The following PSD3 variants were observed in gnomAD, a reference collection of about 807,000 sequenced individuals.
PSD3 encodes PH and SEC7 domain-containing protein 3.
A neutral mutation model predicts 105.5 loss-of-function variants in PSD3; 49 were observed. That is an observed-to-expected ratio of 0.46 (90% confidence interval 0.37 to 0.59). The LOEUF (loss-of-function observed/expected upper bound fraction) is 0.59. PSD3 is among the 20% of genes least tolerant of loss of function. The probability of loss-of-function intolerance (pLI) is 0.00; values close to 1 mark genes in which losing one functional copy is unlikely to be tolerated. For missense variants in PSD3, 1,561 were observed against 1,263.8 expected (o/e 1.24, Z -3.57); for synonymous variants, 557 against 457.8 (o/e 1.22, Z -2.77).
chr8:19,042,664 C>T (rs534541592), intron 1 of PSD3, among the ~76,000 whole-genome samples: 3 of 152,304 alleles, frequency 2.0e-5, no homozygotes, highest in African/African-American at 7.2e-5. Context: ...TGAAATACAA[C>T]TGAATTCAAA....
intron 9 of PSD3, among the ~76,000 whole-genome samples, chr8:18,721,766 T>C (rs1199376900): frequency 1.3e-5 from 2 of 152,172 alleles, no homozygotes; most frequent in African/African-American, 4.8e-5. Context: ...TAAAGACTGA[T>C]CACACTTCTT....
At position 18,531,882 on chromosome 8, in the gene PSD3, T is replaced by G. The variant is rs1227812206; in HGVS notation, c.*3861A>C. ...CACTGCTGAAATGAAGAGAGGTGGCTCCCAACCTGCTGAAAACTCGACCAA... is the reference window on the plus strand; with the variant it reads ...CACTGCTGAAATGAAGAGAGGTGGCGCCCAACCTGCTGAAAACTCGACCAA... On this transcript the variant is annotated 3_prime_UTR_variant, in exon 16 of 16. Transcript: ENST00000327040. 1 of 152,124 alleles carries G rather than the reference T, an allele frequency of 6.6e-6. No individual in the cohort carries two copies. The highest frequency in any genetic ancestry group is 2.4e-5 in the African/African-American group (1 of 41,436). 9.4% of individuals were successfully genotyped at this position (152,124 alleles called of 1,614,324 possible). A position where few individuals can be genotyped will look rare whatever the true frequency, so the allele number is the denominator to read the frequency against.
intron 1 of PSD3, among the ~76,000 whole-genome samples, chr8:19,061,237 T>A (rs573327754): frequency 1.3e-5 from 2 of 151,892 alleles, no homozygotes; most frequent in African/African-American, 4.8e-5. Flanking sequence ...CCACACCACA[T>A]TGAGAAAACA....
chr8:19,015,307 G>A (rs965333066), upstream of PSD3, among the ~76,000 whole-genome samples: 6 of 152,172 alleles, frequency 3.9e-5, no homozygotes, highest in African/African-American at 1.4e-4. Context: ...CCAACCATGT[G>A]GAACTGCAAG....
chr8:18,849,319 C>G (rs1276799374), intron 4 of PSD3: 1 of 152,174 alleles, frequency 6.6e-6, no homozygotes, highest in African/African-American at 2.4e-5. Context: ...AACTTCGGCT[C>G]ACTTCTTGGT....
chr8:18,960,650 C>G (rs1240594955), intron 1 of PSD3, among the ~76,000 whole-genome samples: 2 of 152,142 alleles, frequency 1.3e-5, no homozygotes, highest in African/African-American at 4.8e-5. Context: ...TTTACACTTT[C>G]TATGTATAAC....
At chr8:18,907,744 A>C (rs547648953) in intron 2 of PSD3, among the ~76,000 whole-genome samples, 2 of 152,358 alleles carry the variant, frequency 1.3e-5, no homozygotes, top group South Asian at 4.1e-4. Flanking sequence ...ACCCATCATT[A>C]AGCAGCACAT....
intron 14 of PSD3, among the ~76,000 whole-genome samples, chr8:18,567,971 T>C (rs1011835168): frequency 2.0e-5 from 3 of 152,252 alleles, no homozygotes; most frequent in East Asian, 3.8e-4. Context: ...GTTCTTGCTT[T>C]ATTAGTTCAA....
chr8:18,622,925 C>T (rs1806217320), intron 11 of PSD3, among the ~76,000 whole-genome samples: 1 of 152,102 alleles, frequency 6.6e-6, no homozygotes, highest in South Asian at 2.1e-4. Context: ...TAATGTGTAC[C>T]ACAATTAAAT....
chr8:18,664,651 C>T (rs11203978), intron 9 of PSD3, among the ~76,000 whole-genome samples: 4,088 of 152,312 alleles, frequency 0.027, 124 homozygotes, highest in East Asian at 0.13. Context: ...TACTAAACAA[C>T]AGATTTTCAG....
intron 9 of PSD3, among the ~76,000 whole-genome samples, chr8:18,737,563 G>C (rs530810925): frequency 1.5e-4 from 23 of 152,244 alleles, no homozygotes; most frequent in African/African-American, 4.8e-4. Context: ...TGGCCTCCCA[G>C]AGTGCTGGGA....
At position 19,077,246 on chromosome 8, in the gene PSD3, A is replaced by G. The variant is rs557371825; in HGVS notation, c.324+6960T>C. On this transcript the variant is annotated intron_variant, in intron 1 of 1. Transcript: ENST00000521475. The stretch of plus-strand genomic sequence containing the variant: ...CTTGCAGATAAAATGAGATTTTCCA[A>G]TGATATAACATTGTAAGTGCTTGAA... Among the ~76,000 whole-genome samples the G allele has an allele frequency of 6.0e-4, 91 of 152,342 alleles. No individual in the cohort carries two copies. The Middle Eastern group carries it at 0.031, about 51-fold the overall frequency.
At chr8:18,810,106 G>A (rs866055194) in intron 4 of PSD3, among the ~76,000 whole-genome samples, 4 of 152,156 alleles carry the variant, frequency 2.6e-5, no homozygotes, top group South Asian at 2.1e-4. Context: ...TGCCTTTTAC[G>A]TATGTTGTTC....
chr8:18,849,898 T>C (rs921295166), intron 4 of PSD3, among the ~76,000 whole-genome samples: 9 of 152,354 alleles, frequency 5.9e-5, no homozygotes, highest in African/African-American at 1.7e-4. Flanking sequence ...GCACAAGTTC[T>C]AGCAGCCAGT....
At position 18,530,740 on chromosome 8, in the gene PSD3, C is replaced by A. The variant is rs997682279; in HGVS notation, c.*5003G>T. On this transcript the variant is annotated 3_prime_UTR_variant, in exon 16 of 16. Coordinates refer to ENST00000327040, the MANE Select transcript of PSD3 (RefSeq NM_015310.4). ...TTTCCCAAATTACAGGGAGCTATGC[C>A]CTTGGTATTGCACACAGTACACTGC... 1 of 151,146 alleles carries A rather than the reference C, an allele frequency of 6.6e-6. No homozygotes were observed. The highest frequency in any genetic ancestry group is 2.4e-5 in the African/African-American group (1 of 41,008). 9.4% of individuals were successfully genotyped at this position (151,146 alleles called of 1,614,324 possible).
At chr8:18,652,961 T>C (rs891172044) in intron 10 of PSD3, among the ~76,000 whole-genome samples, 1 of 152,222 alleles carries the variant, frequency 6.6e-6, no homozygotes. Flanking sequence ...ATTTATTTCC[T>C]ACAGAAATTC....
At chr8:19,052,790 G>C (rs945115258) in intron 1 of PSD3, among the ~76,000 whole-genome samples, 4 of 84,342 alleles carry the variant, frequency 4.7e-5, no homozygotes, top group African/African-American at 1.5e-4. Context: ...AGCTGTGGGT[G>C]GGTGGGTCCA....
chr8:18,790,776 C>T (rs1161073369), intron 8 of PSD3, among the ~76,000 whole-genome samples: 1 of 152,094 alleles, frequency 6.6e-6, no homozygotes, highest in African/African-American at 2.4e-5. Flanking sequence ...CACCGAGAAG[C>T]TGCAGGGATG....
intron 2 of PSD3, among the ~76,000 whole-genome samples, chr8:18,902,455 T>C (rs1383054843): frequency 1.3e-5 from 2 of 152,252 alleles, no homozygotes; most frequent in Non-Finnish European, 2.9e-5. Context: ...CATAAAATTA[T>C]TACTTTGAAT....
Sources: gnomAD v4.1 joint callset for allele counts (sites outside exome capture counted in the v4.1 genomes callset) on GRCh38, gnomAD v4.1.1 for gene constraint, MANE v1.5 for transcripts, NCBI Gene and HGNC (gene_info 2026-07-23, HGNC 2026-07-21) for gene names.